The following KCNMA1 variants were observed in gnomAD, a reference collection of about 807,000 sequenced individuals.
The protein encoded by KCNMA1 is potassium calcium-activated channel subfamily M alpha 1, also known as Calcium-activated potassium channel subunit alpha-1.
In KCNMA1, 29 loss-of-function variants were observed where a neutral mutation model predicts 140.0. That is an observed-to-expected ratio of 0.21 (90% CI 0.15 to 0.28). The LOEUF is 0.28. Ranked by LOEUF, KCNMA1 falls within the 10% of genes least tolerant of loss-of-function variation. The pLI, the probability that KCNMA1 is intolerant of heterozygous loss-of-function variation, is 1.00. For missense variants in KCNMA1, 880 were observed against 1,602.2 expected, an observed-to-expected ratio of 0.55 and a Z score of 7.70; for synonymous variants, 612 against 611.9, an observed-to-expected ratio of 1.00 and a Z score of 0.00.
chr10:77,628,649 C>CAA (rs72518245), intron 1 of KCNMA1, among the ~76,000 whole-genome samples: 2 of 131,172 alleles, frequency 1.5e-5, no homozygotes, highest in Non-Finnish European at 1.6e-5. Context: ...GACGGTATCT[C>CAA]AAAAAAAAAA....
At chr10:77,031,955 A>G (rs962649770) in intron 15 of KCNMA1, among the ~76,000 whole-genome samples, 4 of 152,252 alleles carry the variant, frequency 2.6e-5, no homozygotes, top group African/African-American at 7.2e-5. Context: ...AGGAAAGTCT[A>G]TGCAGAGAAA....
At chr10:76,960,360 T>A (rs963984764) in intron 20 of KCNMA1, among the ~76,000 whole-genome samples, 19 of 151,924 alleles carry the variant, frequency 1.3e-4, no homozygotes, top group African/African-American at 4.4e-4. Context: ...GGCAACATGG[T>A]AAAACCCCAT....
chr10:76,878,612 A>G (rs935807107), intron 29 of KCNMA1, among the ~76,000 whole-genome samples: 3 of 152,224 alleles, frequency 2.0e-5, no homozygotes, highest in Admixed American at 1.3e-4. Flanking sequence ...CCAAGTGGCA[A>G]TATCTTAACT....
intron 3 of KCNMA1, among the ~76,000 whole-genome samples, chr10:77,233,447 T>G (rs1291659164): frequency 6.6e-6 from 1 of 152,214 alleles, no homozygotes. Flanking sequence ...ATTTGGCATT[T>G]CCTTTAATTA....
intron 2 of KCNMA1, among the ~76,000 whole-genome samples, chr10:77,401,527 T>C (rs987049037): frequency 8.5e-5 from 13 of 152,114 alleles, no homozygotes; most frequent in African/African-American, 2.9e-4. Flanking sequence ...CTTTGGGGTC[T>C]GCACCCCCCA....
chr10:77,438,938 T>C (rs2097321331), intron 1 of KCNMA1, among the ~76,000 whole-genome samples: 1 of 151,780 alleles, frequency 6.6e-6, no homozygotes, highest in Non-Finnish European at 1.5e-5. Flanking sequence ...TTAGCCGGGG[T>C]GATGGTGCAT....
At position 77,039,747 on chromosome 10, in the gene KCNMA1, G is replaced by A. The variant is rs1042707140; in HGVS notation, c.1750-110C>T. 8 of 733,956 alleles carry A rather than the reference G, an allele frequency of 1.1e-5. No individual in the cohort carries two copies. In the African/African-American group the frequency reaches 1.4e-4, roughly 13 times the overall value. 45.5% of individuals were successfully genotyped at this position (733,956 alleles called of 1,614,324 possible). On this transcript the variant is annotated intron_variant, in intron 14 of 27. Transcript: ENST00000286628. ...AAATGAATGCACTGGTTAGATAATGGTGACCTTTTCAGCAATCAGGAACAC... is the reference window on the plus strand; with the variant it reads ...AAATGAATGCACTGGTTAGATAATGATGACCTTTTCAGCAATCAGGAACAC...
At chr10:77,264,491 T>C (rs1369681937) in intron 2 of KCNMA1, among the ~76,000 whole-genome samples, 3 of 152,184 alleles carry the variant, frequency 2.0e-5, no homozygotes, top group African/African-American at 7.2e-5. Context: ...AGGAAGATCA[T>C]GTGTATGATG....
chr10:76,909,517 G>A (rs2049197660), intron 25 of KCNMA1, among the ~76,000 whole-genome samples: 1 of 152,094 alleles, frequency 6.6e-6, no homozygotes, highest in African/African-American at 2.4e-5. Context: ...CCATCCTCCT[G>A]CACCCTTGTC....
chr10:77,574,975 C>A (rs961768092), intron 1 of KCNMA1, among the ~76,000 whole-genome samples: 16 of 152,308 alleles, frequency 1.1e-4, no homozygotes, highest in Non-Finnish European at 2.4e-4. Flanking sequence ...GACCACAGAT[C>A]GTACCACCAC....
chr10:77,521,963 G>A (rs1273468896), intron 1 of KCNMA1, among the ~76,000 whole-genome samples: 1 of 152,098 alleles, frequency 6.6e-6, no homozygotes, highest in African/African-American at 2.4e-5. Context: ...ATCACCTGAG[G>A]TCAGGAGTTT....
At chr10:77,143,137 AAT>A (rs2098217922) in intron 5 of KCNMA1, among the ~76,000 whole-genome samples, 2 of 152,188 alleles carry the variant, frequency 1.3e-5, no homozygotes, top group African/African-American at 2.4e-5. Context: ...ATTACAGAAA[AAT>A]ATATGTCATC....
intron 5 of KCNMA1, among the ~76,000 whole-genome samples, chr10:77,150,717 A>G (rs1305255238): frequency 6.6e-6 from 1 of 152,234 alleles, no homozygotes; most frequent in Non-Finnish European, 1.5e-5. Flanking sequence ...TCCCTTCATG[A>G]TCATTCTTCT....
intron 20 of KCNMA1, among the ~76,000 whole-genome samples, chr10:76,960,000 T>C (rs2070350472): frequency 6.6e-6 from 1 of 152,188 alleles, no homozygotes; most frequent in African/African-American, 2.4e-5. Context: ...TGAAGGCCAG[T>C]GCTGCAGGGT....
At chr10:77,590,879 A>G (rs1166771906) in intron 1 of KCNMA1, among the ~76,000 whole-genome samples, 1 of 152,256 alleles carries the variant, frequency 6.6e-6, no homozygotes, top group Non-Finnish European at 1.5e-5. Context: ...GCGAGACTCA[A>G]ATGTTCTTCC....
intron 19 of KCNMA1, among the ~76,000 whole-genome samples, chr10:76,971,481 C>A (rs1341778768): frequency 6.6e-6 from 1 of 152,186 alleles, no homozygotes; most frequent in Non-Finnish European, 1.5e-5. Context: ...AAGTATTACA[C>A]ATTTTACACT....
chr10:77,470,072 C>T (rs79637314), intron 1 of KCNMA1, among the ~76,000 whole-genome samples: 10,273 of 152,032 alleles, frequency 0.068, 1,070 homozygotes, highest in East Asian at 0.49. Flanking sequence ...CGGATGCGTC[C>T]GGCTGCCTTT....
chr10:77,440,211 A>T (rs151226938), intron 1 of KCNMA1, among the ~76,000 whole-genome samples: 12 of 152,332 alleles, frequency 7.9e-5, no homozygotes, highest in African/African-American at 2.9e-4. Context: ...TGCTGGGTGG[A>T]GGGGAAAGAG....
chr10:77,538,038 ACT>A (rs2059312903), intron 1 of KCNMA1, among the ~76,000 whole-genome samples: 1 of 151,074 alleles, frequency 6.6e-6, no homozygotes, highest in Admixed American at 6.6e-5. Flanking sequence ...TCTCACACAC[ACT>A]CTCATATTCA....
Sources: gnomAD v4.1 joint callset for allele counts (sites outside exome capture counted in the v4.1 genomes callset) on GRCh38, gnomAD v4.1.1 for gene constraint, MANE v1.5 for transcripts, NCBI Gene and HGNC (gene_info 2026-07-23, HGNC 2026-07-21) for gene names.